The following LINGO2 variants were observed in gnomAD, a reference collection of about 807,000 sequenced individuals.
The protein encoded by LINGO2 is leucine-rich repeat and immunoglobulin-like domain-containing nogo receptor-interacting protein 2.
Under a neutral mutation model 30.6 loss-of-function variants are expected in LINGO2, and 14 were observed. The observed-to-expected ratio is 0.46, with a 90% CI of 0.30 to 0.72. The LOEUF (loss-of-function observed/expected upper bound fraction) is 0.72, where lower values mean the gene tolerates loss of function less well. LINGO2 is among the 30% of genes least tolerant of loss of function. The pLI is 0.07. For synonymous variants in LINGO2, 317 were observed against 288.5 expected, an observed-to-expected ratio of 1.10 and a Z score of -1.00; for missense variants, 729 against 751.7, an observed-to-expected ratio of 0.97 and a Z score of 0.35.
intron 4 of LINGO2, among the ~76,000 whole-genome samples, chr9:28,083,179 GC>G (rs1825820080): frequency 6.6e-6 from 1 of 152,192 alleles, no homozygotes; most frequent in Non-Finnish European, 1.5e-5. Flanking sequence ...GATAGGACCT[GC>G]TTTTGGTGAG....
chr9:28,359,866 AAT>A (rs1249681832), intron 3 of LINGO2, among the ~76,000 whole-genome samples: 1 of 152,094 alleles, frequency 6.6e-6, no homozygotes, highest in Non-Finnish European at 1.5e-5. Flanking sequence ...GACCTTCCAA[AAT>A]CAGTCCATAA....
the LINGO2 span, among the ~76,000 whole-genome samples, chr9:28,942,464 T>C: frequency 6.6e-6 from 1 of 152,200 alleles, no homozygotes; most frequent in African/African-American, 2.4e-5. Context: ...AATGGCTGAC[T>C]GCATGGGCCA....
the LINGO2 span, among the ~76,000 whole-genome samples, chr9:28,716,806 G>A: frequency 1.3e-5 from 2 of 152,018 alleles, no homozygotes; most frequent in South Asian, 2.1e-4. Context: ...CTATATTAAA[G>A]TAATGGTACA....
the LINGO2 span, among the ~76,000 whole-genome samples, chr9:29,090,355 T>C: frequency 6.6e-6 from 1 of 152,016 alleles, no homozygotes. Flanking sequence ...CCTTCCTCAG[T>C]TCCCCTTCAG....
chr9:28,919,104 T>C, the LINGO2 span, among the ~76,000 whole-genome samples: 1 of 152,170 alleles, frequency 6.6e-6, no homozygotes, highest in Non-Finnish European at 1.5e-5. Context: ...TCCCCTCAGG[T>C]GTCTGGGAGA....
At chr9:28,255,957 T>C (rs1822369785) in intron 4 of LINGO2, among the ~76,000 whole-genome samples, 1 of 152,064 alleles carries the variant, frequency 6.6e-6, no homozygotes, top group Admixed American at 6.6e-5. Context: ...AACTACACAC[T>C]CTTAAGGCGG....
At chr9:28,685,977 A>ATGTGTGTG in the LINGO2 span, among the ~76,000 whole-genome samples, 440 of 145,680 alleles carry the variant, frequency 3.0e-3, no homozygotes, top group African/African-American at 6.9e-3. Context: ...AACATATATG[A>ATGTGTGTG]TGTGTGTGTG....
rs1369981622 is a variant in LINGO2 at position 28,215,699 on chromosome 9, T to A, written c.-87+79509A>T. 3.3e-5 allele frequency among the ~76,000 whole-genome samples: 5 copies of A among 151,732 alleles called. No individual in the cohort carries two copies. The East Asian group carries it at 9.6e-4, about 29-fold the overall frequency. On this transcript the variant is annotated intron_variant, in intron 4 of 5. Transcript: ENST00000379992. ...ATCGATGGAAGTGTCTAATCCACTA[T>A]ATCAACATGGTTATGGCAGCACATA...
intron 1 of LINGO2, among the ~76,000 whole-genome samples, chr9:28,534,790 A>G (rs2135439588): frequency 6.6e-6 from 1 of 152,262 alleles, no homozygotes; most frequent in East Asian, 1.9e-4. Flanking sequence ...TTACACTTGA[A>G]TCTCAGCTGT....
the LINGO2 span, among the ~76,000 whole-genome samples, chr9:28,749,938 T>C: frequency 2.0e-5 from 3 of 152,118 alleles, no homozygotes; most frequent in Admixed American, 6.5e-5. Flanking sequence ...TAATTAGTAT[T>C]GTACTTACAC....
At chr9:28,670,709 C>T (rs965413205), upstream of LINGO2, among the ~76,000 whole-genome samples, 12 of 152,028 alleles carry the variant, frequency 7.9e-5, no homozygotes, top group African/African-American at 2.7e-4. Flanking sequence ...AGCAAATATC[C>T]TTACTTTATA....
intron 1 of LINGO2, among the ~76,000 whole-genome samples, chr9:28,512,519 T>C (rs1263473428): frequency 2.0e-5 from 3 of 149,476 alleles, no homozygotes; most frequent in African/African-American, 7.5e-5. Context: ...TCTCCTGTTC[T>C]GGATTCCACT....
At chr9:28,814,695 G>A in the LINGO2 span, among the ~76,000 whole-genome samples, 72 of 152,266 alleles carry the variant, frequency 4.7e-4, no homozygotes, top group African/African-American at 1.6e-3. Context: ...AGACCAGCCT[G>A]GCCAACACAG....
chr9:28,741,693 G>A, the LINGO2 span, among the ~76,000 whole-genome samples: 1 of 151,902 alleles, frequency 6.6e-6, no homozygotes, highest in Admixed American at 6.6e-5. Flanking sequence ...TAGGGTGGAT[G>A]TGGCAGCTAA....
chr9:28,505,528 C>T (rs1250109727), intron 1 of LINGO2, among the ~76,000 whole-genome samples: 1 of 151,886 alleles, frequency 6.6e-6, no homozygotes, highest in African/African-American at 2.4e-5. Context: ...AAAAGGCTTA[C>T]TTTTGCTATA....
At chr9:28,065,329 TG>T (rs1825280850) in intron 4 of LINGO2, among the ~76,000 whole-genome samples, 1 of 152,110 alleles carries the variant, frequency 6.6e-6, no homozygotes, top group African/African-American at 2.4e-5. Context: ...GAACAATGTC[TG>T]GTACCAAGCA....
At chr9:29,008,054 C>T in the LINGO2 span, among the ~76,000 whole-genome samples, 1 of 152,024 alleles carries the variant, frequency 6.6e-6, no homozygotes, top group African/African-American at 2.4e-5. Context: ...TTAGGTATAT[C>T]TCCTAATGCT....
chr9:28,226,089 A>G (rs1014486070), intron 4 of LINGO2, among the ~76,000 whole-genome samples: 1 of 152,194 alleles, frequency 6.6e-6, no homozygotes, highest in Admixed American at 6.5e-5. Flanking sequence ...TTATTCTCAC[A>G]ATCCAGCCAA....
intron 4 of LINGO2, among the ~76,000 whole-genome samples, chr9:28,087,058 TG>T (rs1370868503): frequency 6.6e-6 from 1 of 152,130 alleles, no homozygotes; most frequent in Non-Finnish European, 1.5e-5. Context: ...CACTCTCTGC[TG>T]TACCTTTGGA....
Sources: gnomAD v4.1 joint callset for allele counts (sites outside exome capture counted in the v4.1 genomes callset) on GRCh38, gnomAD v4.1.1 for gene constraint, MANE v1.5 for transcripts, NCBI Gene and HGNC (gene_info 2026-07-23, HGNC 2026-07-21) for gene names.